CCSER2: variants seen among roughly 807,000 people sequenced by gnomAD.
CCSER2 encodes coiled-coil serine rich protein 2, also known as serine-rich coiled-coil domain-containing protein 2.
In CCSER2, 46 loss-of-function variants were observed where a neutral mutation model predicts 92.3. The observed-to-expected ratio is 0.50, with a 90% CI of 0.39 to 0.64. The LOEUF is 0.64. Among genes scored for constraint, CCSER2 ranks in the 30% least tolerant of loss-of-function variants. CCSER2 has a pLI of 0.00. For synonymous variants in CCSER2, 433 were observed against 431.4 expected, an observed-to-expected ratio of 1.00 and a Z score of -0.04; for missense variants, 1,244 against 1,238.9, an observed-to-expected ratio of 1.00 and a Z score of -0.06.
chr10:84,506,082 G>A (rs765342225), intron 9 of CCSER2, among the ~76,000 whole-genome samples: 1 of 150,958 alleles, frequency 6.6e-6, no homozygotes, highest in Non-Finnish European at 1.5e-5. Context: ...AATCATCTAA[G>A]AGTGATTGTG....
At chr10:84,332,541 C>T (rs1335727335) in intron 1 of CCSER2, among the ~76,000 whole-genome samples, 1 of 145,456 alleles carries the variant, frequency 6.9e-6, no homozygotes, top group Non-Finnish European at 1.5e-5. Context: ...TGGGTTCAAG[C>T]GATTCTCTTG....
intron 9 of CCSER2, among the ~76,000 whole-genome samples, chr10:84,484,831 A>T (rs1441494118): frequency 2.0e-5 from 3 of 151,334 alleles, no homozygotes; most frequent in Non-Finnish European, 4.4e-5. Flanking sequence ...CATTTCTTCT[A>T]TTTTTTTTTA....
At chr10:84,440,531 A>T (rs1156832545) in intron 6 of CCSER2, among the ~76,000 whole-genome samples, 1 of 152,056 alleles carries the variant, frequency 6.6e-6, no homozygotes, top group East Asian at 1.9e-4. Context: ...CCCCCTCCCC[A>T]CCTCAGTCAA....
chr10:84,483,083 T>C (rs960739256), intron 9 of CCSER2, among the ~76,000 whole-genome samples: 11 of 148,110 alleles, frequency 7.4e-5, no homozygotes, highest in Admixed American at 5.6e-4. Context: ...GTTCAGCAAT[T>C]GGAATATGGT....
At chr10:84,504,147 T>C (rs2131853147) in intron 9 of CCSER2, among the ~76,000 whole-genome samples, 1 of 152,288 alleles carries the variant, frequency 6.6e-6, no homozygotes, top group East Asian at 1.9e-4. Flanking sequence ...TTTTTAAATG[T>C]TGCTAGCAAC....
intron 1 of CCSER2, among the ~76,000 whole-genome samples, chr10:84,337,250 A>G (rs1176923830): frequency 6.6e-6 from 1 of 152,176 alleles, no homozygotes; most frequent in Non-Finnish European, 1.5e-5. Flanking sequence ...TAGCCTTGGG[A>G]TCCTGTAATG....
intron 9 of CCSER2, among the ~76,000 whole-genome samples, chr10:84,498,053 A>T (rs1399273489): frequency 6.6e-6 from 1 of 152,238 alleles, no homozygotes; most frequent in Non-Finnish European, 1.5e-5. Context: ...CCTGATTCCA[A>T]GGTCAGTGCT....
chr10:84,330,698 G>A (rs534059763), intron 1 of CCSER2, among the ~76,000 whole-genome samples: 10 of 152,116 alleles, frequency 6.6e-5, no homozygotes, highest in African/African-American at 2.4e-4. Context: ...TAGTAGAGAC[G>A]GGTTTCAGTA....
chr10:84,486,096 G>A (rs1172341610), intron 9 of CCSER2, among the ~76,000 whole-genome samples: 3 of 152,132 alleles, frequency 2.0e-5, no homozygotes, highest in Non-Finnish European at 2.9e-5. Flanking sequence ...TGGCTGCATA[G>A]TATTCCATGG....
intron 3 of CCSER2, among the ~76,000 whole-genome samples, chr10:84,381,650 G>A (rs11817320): frequency 0.012 from 1,782 of 152,142 alleles, 36 homozygotes; most frequent in African/African-American, 0.04. Context: ...ACGGTGGGCC[G>A]GGCGCGGTGG....
In CCSER2 at chr10:84,371,023, A is replaced by G. The variant is rs778550470; in HGVS notation, c.-30A>G. The G allele has an allele frequency of 1.4e-6, 2 of 1,421,796 alleles. No homozygotes were observed. The highest frequency in any genetic ancestry group is 1.4e-5 in the African/African-American group (1 of 69,624). 88.1% of individuals were successfully genotyped at this position (1,421,796 alleles called of 1,614,324 possible). On this transcript the variant is annotated 5_prime_UTR_variant, in exon 2 of 10. Coordinates refer to ENST00000372088, the MANE Select transcript of CCSER2 (RefSeq NM_001284240.2). Reference sequence around the variant, plus strand: ...TTTTTTCTCTTCACAGATTCTTTCAACTTTTAAGAACAAATGCACCTTATA... The same window carrying G: ...TTTTTTCTCTTCACAGATTCTTTCAGCTTTTAAGAACAAATGCACCTTATA...
intron 5 of CCSER2, among the ~76,000 whole-genome samples, chr10:84,428,753 ACTTT>A (rs1243906261): frequency 7.9e-5 from 12 of 152,184 alleles, no homozygotes; most frequent in African/African-American, 2.6e-4. Flanking sequence ...TTTAAAAGAT[ACTTT>A]CTATCAGTTT....
intron 3 of CCSER2, among the ~76,000 whole-genome samples, chr10:84,384,806 A>G (rs1841099175): frequency 6.6e-6 from 1 of 152,216 alleles, no homozygotes; most frequent in Admixed American, 6.5e-5. Context: ...CAAATTATAA[A>G]AGAGGAAGTA....
chr10:84,488,390 G>A (rs977014149), intron 9 of CCSER2, among the ~76,000 whole-genome samples: 2 of 152,072 alleles, frequency 1.3e-5, no homozygotes, highest in African/African-American at 4.8e-5. Context: ...TTGTTTGGTA[G>A]GCTCTTAATT....
At chr10:84,423,051 TC>T (rs1362470258) in intron 4 of CCSER2, among the ~76,000 whole-genome samples, 1 of 149,180 alleles carries the variant, frequency 6.7e-6, no homozygotes, top group African/African-American at 2.5e-5. Context: ...CTAGACTTCA[TC>T]TCAAAAAAAA....
chr10:84,373,582 A>G (rs1468237764), intron 2 of CCSER2, 37 bp from the exon 3 acceptor site: 1 of 1,468,024 alleles, frequency 6.8e-7, no homozygotes, highest in Admixed American at 1.8e-5. Flanking sequence ...AGAAACAATT[A>G]TATTTTTGTG....
At chr10:84,372,657 A>G (rs529223411) in intron 2 of CCSER2, among the ~76,000 whole-genome samples, 188 bp downstream of exon 2, 2 of 152,222 alleles carry the variant, frequency 1.3e-5, no homozygotes, top group East Asian at 3.9e-4. Flanking sequence ...TTTTCACCCT[A>G]TCCAAGACAA....
At position 84,371,979 on chromosome 10, in the gene CCSER2, A is replaced by G. The variant is rs1383616001; in HGVS notation, c.927A>G (p.Val309=). The part of the protein sequence containing the change: ...KKLALPNGPG[V]TSTLGYRMVH... ...TGGCTTTACCAAATGGCCCAGGTGT[A>G]ACTTCTACTTTAGGTTATAGAATGG... The change falls in exon 2 of 10, where the codon GTA becomes GTG. Residue 309 remains valine (V), a synonymous_variant. Transcript: ENST00000372088. The G allele has an allele frequency of 1.2e-6, 2 of 1,613,778 alleles. No individual in the cohort carries two copies. Among genetic ancestry groups the G allele is most frequent in the Admixed American group, 1.7e-5 (1 of 59,986 alleles).
At chr10:84,395,949 T>C (rs1171596069) in intron 3 of CCSER2, among the ~76,000 whole-genome samples, 3 of 152,128 alleles carry the variant, frequency 2.0e-5, no homozygotes, top group African/African-American at 7.2e-5. Flanking sequence ...TAATTACTTT[T>C]AGTTATTGTG....
Sources: gnomAD v4.1 joint callset for allele counts (sites outside exome capture counted in the v4.1 genomes callset) on GRCh38, gnomAD v4.1.1 for gene constraint, MANE v1.5 for transcripts, NCBI Gene and HGNC (gene_info 2026-07-23, HGNC 2026-07-21) for gene names.